Variants in TUB observed in about 807,000 individuals in gnomAD.
TUB encodes tubby protein homolog.
A neutral mutation model predicts 59.7 loss-of-function variants in TUB; 33 were observed. That is an observed-to-expected ratio of 0.55 (90% CI 0.42 to 0.74). The LOEUF (loss-of-function observed/expected upper bound fraction) is 0.74. TUB is among the 30% of genes least tolerant of loss of function. TUB has a pLI of 0.00. For missense variants in TUB, 659 were observed against 672.0 expected (o/e 0.98, Z 0.21); for synonymous variants, 293 against 256.4 (o/e 1.14, Z -1.36).
upstream of TUB, chr11:8,038,569 T>C: frequency 9.0e-7 from 1 of 1,110,662 alleles, no homozygotes; most frequent in Non-Finnish European, 1.1e-6. Context: ...GCAGAGAGAC[T>C]TGGCCTCCGT....
intron 2 of TUB, among the ~76,000 whole-genome samples, chr11:8,050,183 C>T (rs575889797): frequency 6.6e-6 from 1 of 152,256 alleles, no homozygotes; most frequent in South Asian, 2.1e-4. Context: ...TTTATTATTG[C>T]TGTATAGTAT....
chr11:8,090,004 C>G (rs957961900), intron 2 of TUB, 65 bp from the exon 3 acceptor site: 2 of 1,495,028 alleles, frequency 1.3e-6, no homozygotes, highest in Admixed American at 2.3e-5. Flanking sequence ...GTGGACCCCC[C>G]GATAACTGGG....
chr11:8,025,135 G>A (rs1361320697), intron 1 of TUB, among the ~76,000 whole-genome samples: 1 of 152,154 alleles, frequency 6.6e-6, no homozygotes, highest in Non-Finnish European at 1.5e-5. Flanking sequence ...ATCTAGTTGG[G>A]GGAGATATGG....
intron 1 of TUB, among the ~76,000 whole-genome samples, chr11:8,023,470 A>G (rs1461822054): frequency 6.6e-6 from 1 of 152,096 alleles, no homozygotes; most frequent in African/African-American, 2.4e-5. Context: ...ATTCCATTCT[A>G]TTCTCAGGCT....
At chr11:8,068,050 G>C (rs1177574207) in intron 2 of TUB, 1 of 151,966 alleles carries the variant, frequency 6.6e-6, no homozygotes. Context: ...CATGCTAAAA[G>C]CTTTTATTTA....
chr11:8,095,137 T>C (rs957606020), intron 4 of TUB, among the ~76,000 whole-genome samples: 1 of 152,238 alleles, frequency 6.6e-6, no homozygotes, highest in African/African-American at 2.4e-5. Context: ...GCTGGTCGTG[T>C]CCATGAATGA....
At chr11:8,039,637 C>A in intron 1 of TUB, 1 of 1,486,792 alleles carries the variant, frequency 6.7e-7, no homozygotes. Context: ...CCTTCTTTTC[C>A]TCCTCAGGAG....
intron 2 of TUB, among the ~76,000 whole-genome samples, chr11:8,048,389 T>C (rs1277566644): frequency 1.3e-5 from 2 of 152,142 alleles, no homozygotes; most frequent in Non-Finnish European, 2.9e-5. Flanking sequence ...GCTTTTTGTT[T>C]TGTTTGTTTT....
upstream of TUB, chr11:8,077,014 C>T (rs778013238): frequency 6.6e-6 from 1 of 152,142 alleles, no homozygotes. Flanking sequence ...TATCTGGCCA[C>T]CCATAGTTAT....
At chr11:8,056,319 C>T (rs1333769637) in intron 2 of TUB, among the ~76,000 whole-genome samples, 1 of 152,146 alleles carries the variant, frequency 6.6e-6, no homozygotes. Context: ...AATGTGCGGC[C>T]ATATGGGAAT....
At chr11:8,097,907 C>G (rs1302080230) in intron 8 of TUB, 81 bp downstream of exon 8, 1 of 1,074,840 alleles carries the variant, frequency 9.3e-7, no homozygotes, top group African/African-American at 1.6e-5. Context: ...CTGAATCTTC[C>G]TGAAGGAGAT....
upstream of TUB, among the ~76,000 whole-genome samples, chr11:8,081,083 A>G (rs1943547114): frequency 7.0e-6 from 1 of 143,116 alleles, no homozygotes; most frequent in South Asian, 2.3e-4. Flanking sequence ...TGGAGCGTGG[A>G]TCGCGACGAT....
intron 2 of TUB, among the ~76,000 whole-genome samples, chr11:8,055,230 T>TGA (rs1589936524): frequency 1.3e-5 from 2 of 151,696 alleles, no homozygotes; most frequent in East Asian, 1.9e-4. Flanking sequence ...TGTGCGTGTG[T>TGA]GAGAGAGAGA....
At chr11:8,082,522 CTG>C (rs1943588347) in intron 1 of TUB, among the ~76,000 whole-genome samples, 1 of 152,210 alleles carries the variant, frequency 6.6e-6, no homozygotes, top group African/African-American at 2.4e-5. Flanking sequence ...GGCTACGGGG[CTG>C]TCTCTGTGGA....
Position 8,097,442 on chromosome 11 carries a change from C to A in TUB, c.885+17C>A. On this transcript the variant is annotated intron_variant, in intron 7 of 11. Coordinates refer to ENST00000299506, the MANE Select transcript of TUB (RefSeq NM_177972.3). ...GGGAAGAAGGTAAGGTTGGTCTGGGCATGTTATCATCTAGGCTTTACAGCC... is the reference window on the plus strand; with the variant it reads ...GGGAAGAAGGTAAGGTTGGTCTGGGAATGTTATCATCTAGGCTTTACAGCC... 2 of 1,614,132 alleles carry A rather than the reference C, an allele frequency of 1.2e-6. No homozygotes were observed. The highest frequency in any genetic ancestry group is 1.7e-6 in the Non-Finnish European group (2 of 1,180,004).
intron 2 of TUB, among the ~76,000 whole-genome samples, chr11:8,057,977 AG>A (rs1943045983): frequency 6.6e-6 from 1 of 152,106 alleles, no homozygotes; most frequent in South Asian, 2.1e-4. Context: ...TGGGAGGCCG[AG>A]GCAGGAGGAT....
At chr11:8,065,977 C>T (rs1030748168) in intron 2 of TUB, among the ~76,000 whole-genome samples, 1 of 152,184 alleles carries the variant, frequency 6.6e-6, no homozygotes, top group Admixed American at 6.5e-5. Flanking sequence ...CGCGGTGAAG[C>T]GTTTCTCTCT....
intron 2 of TUB, among the ~76,000 whole-genome samples, chr11:8,046,695 T>C (rs1196167973): frequency 1.4e-5 from 2 of 147,640 alleles, no homozygotes; most frequent in Non-Finnish European, 3.0e-5. Flanking sequence ...ACTGCCTCTT[T>C]GCCTCCAGCC....
rs758275890 is a variant in TUB at position 8,102,318 on chromosome 11, CAG to C, written c.*702_*703del. On this transcript the variant is annotated 3_prime_UTR_variant, in exon 12 of 12. Transcript: ENST00000299506. ...ATTTCTCCAGGTTTGCTGTGTCTCA[CAG>C]AGGCAGTAGGAACCCAGCTCTCAGG... The C allele has an allele frequency of 6.6e-6, 1 of 152,122 alleles. No individual in the cohort carries two copies. Among genetic ancestry groups the C allele is most frequent in the Non-Finnish European group, 1.5e-5 (1 of 68,056 alleles). The allele number at this position is 152,122 out of a possible 1,614,324, so 9.4% of individuals were successfully genotyped here.
Sources: gnomAD v4.1 joint callset for allele counts (sites outside exome capture counted in the v4.1 genomes callset) on GRCh38, gnomAD v4.1.1 for gene constraint, MANE v1.5 for transcripts, NCBI Gene and HGNC (gene_info 2026-07-23, HGNC 2026-07-21) for gene names.